TTN: variants seen among roughly 807,000 people sequenced by gnomAD.
The protein encoded by TTN is titin.
In TTN, 1,525 loss-of-function variants were observed where a neutral mutation model predicts 3,223.0. The ratio of observed to expected loss-of-function variants is 0.47; its 90% confidence interval spans 0.45 to 0.49. TTN has a LOEUF of 0.49. Ranked by LOEUF, TTN falls within the 20% of genes least tolerant of loss-of-function variation. The probability of loss-of-function intolerance (pLI) is 0.00; values close to 1 mark genes in which losing one functional copy is unlikely to be tolerated. For synonymous variants in TTN, 14,094 were observed against 15,161.0 expected (o/e 0.93, Z 5.17); for missense variants, 40,786 against 43,424.0 (o/e 0.94, Z 5.40).
At chr2:178,610,762 G>C (rs998607620) in intron 270 of TTN, among the ~76,000 whole-genome samples, 3 of 151,946 alleles carry the variant, frequency 2.0e-5, no homozygotes, top group Admixed American at 1.3e-4. Context: ...ATTTAAATTA[G>C]TATTTCACAT....
rs774217877 is a variant in TTN at position 178,714,299 on chromosome 2, G to C, written c.26475C>G (p.Ser8825=). 37 of 1,611,912 alleles carry C rather than the reference G, an allele frequency of 2.3e-5. 1 individual carries two copies. In the South Asian group the frequency reaches 4.1e-4, roughly 18 times the overall value. Residue 8825 remains serine, a synonymous_variant, in exon 91 of 363, where the codon TCC becomes TCG. Transcript: ENST00000589042. Reference sequence around the variant, plus strand: ...CATCATCTTTTTACTAACCGAGAACGGATAGCGTGGCGAAGCACTCTTGCA... The same window carrying C: ...CATCATCTTTTTACTAACCGAGAACCGATAGCGTGGCGAAGCACTCTTGCA... ...AGMQECFATL[S]VLEPATIVEK... is the part of the protein sequence containing the mutation.
At position 178,723,594 on chromosome 2, in the gene TTN, T is replaced by G. The variant is rs786205314; in HGVS notation, c.21506A>C (p.Asn7169Thr). 8.1e-6 allele frequency: 13 copies of G among 1,613,162 alleles called. No individual in the cohort carries two copies. In the East Asian group the frequency reaches 1.8e-4, roughly 22 times the overall value. The stretch of plus-strand genomic sequence containing the variant: ...TAGTTCTCTGGCACCTCTGAACCAG[T>G]TGACTTTGAATGGAGGGGTTCCTCT... ...VIRGTPPFKV[N>T]WFRGARELVK... is the part of the protein sequence containing the mutation. Residue 7169 changes from asparagine to threonine, a missense_variant, in exon 74 of 363, where the codon AAC becomes ACC. Physicochemically the swap from Asn to Thr is moderately conservative, Grantham distance 65. Transcript: ENST00000589042.
Position 178,702,631 on chromosome 2 carries a change from T to C in TTN, c.30256A>G (p.Asn10086Asp), listed in dbSNP as rs1188623443. 1 of 1,614,022 alleles carries C rather than the reference T, an allele frequency of 6.2e-7. No individual in the cohort carries two copies. The change falls in exon 107 of 363, where the codon AAC becomes GAC. Residue 10086 changes from asparagine (N) to aspartate (D), a missense_variant. Physicochemically the swap from Asn to Asp is conservative, Grantham distance 23. Transcript: ENST00000589042. ...GACTGATGCTCACTCACCACGATGT[T>C]CTGTATGCGCTTTGTAAACTGAATT... ...EPIQFTKRIQ[N>D]IVVSEHQSAT...
chr2:178,715,871 T>C lies in TTN; in HGVS notation c.25640-97A>G, dbSNP rs368383659. ...AAATAATCTTTGCTAGAGAGGTCTT[T>C]AGCTCTGGAAAACAAATTTATGCAG... On this transcript the variant is annotated intron_variant, in intron 88 of 362. Coordinates refer to ENST00000589042, the MANE Select transcript of TTN (RefSeq NM_001267550.2). 1.2e-4 allele frequency: 155 copies of C among 1,282,072 alleles called. No homozygotes were observed. In the East Asian group the frequency reaches 2.9e-3, roughly 24 times the overall value. 79.4% of individuals were successfully genotyped at this position (1,282,072 alleles called of 1,614,324 possible).
chr2:178,529,099 T>A lies in TTN; in HGVS notation c.106652A>T (p.Lys35551Met). 1 of 1,612,294 alleles carries A rather than the reference T, an allele frequency of 6.2e-7. No homozygotes were observed. Among genetic ancestry groups the A allele is most frequent in the Non-Finnish European group, 8.5e-7 (1 of 1,179,184 alleles). ...TTCTTGAGATTTTGCCTCTGACATC[T>A]TAATTTCTTCAGACCTTAGGGCTTT... ...SQKALRSEEIKMSEAKSQEKL... is the reference protein window; with the variant it reads ...SQKALRSEEIMMSEAKSQEKL... The change falls in exon 360 of 363, where the codon AAG (lysine) becomes ATG (methionine). Residue 35551 changes from lysine to methionine, a missense_variant. Lys to Met is a moderately conservative substitution (Grantham distance 95). Coordinates refer to ENST00000589042, the MANE Select transcript of TTN (RefSeq NM_001267550.2).
chr2:178,546,070 C>T lies in TTN; in HGVS notation c.95166G>A (p.Gln31722=). The T allele has an allele frequency of 6.2e-7, 1 of 1,613,060 alleles. No individual in the cohort carries two copies. The highest frequency in any genetic ancestry group is 8.5e-7 in the Non-Finnish European group (1 of 1,179,212). The part of the protein sequence containing the change: ...CGKLTVSRVT[Q]EKCTLAWSLP... ...GGCTCCAGGCTAAAGTGCACTTCTC[C>T]TGTGTTACTCTGCTGACGGTGAGCT... Residue 31722 remains glutamine (Q), a synonymous_variant, in exon 343 of 363, where the codon CAG becomes CAA. Coordinates refer to ENST00000589042, the MANE Select transcript of TTN (RefSeq NM_001267550.2).
In TTN at chr2:178,537,380, A is replaced by T. The variant is rs1159073081; in HGVS notation, c.99827T>A (p.Phe33276Tyr). 5.0e-6 allele frequency: 8 copies of T among 1,596,022 alleles called. No individual in the cohort carries two copies. Among genetic ancestry groups the T allele is most frequent in the Non-Finnish European group, 6.8e-6 (8 of 1,169,096 alleles). The stretch of plus-strand genomic sequence containing the variant: ...ATCAAGGATGGCATCAACTGTTCCA[A>T]AAACATTGCTGAGCTGGACTTTGTA... Reference protein sequence around the residue: ...GKYKVQLSNVFGTVDAILDVE... With the variant: ...GKYKVQLSNVYGTVDAILDVE... Residue 33276 changes from phenylalanine to tyrosine, a missense_variant, in exon 355 of 363, where the codon TTT becomes TAT. Coordinates refer to ENST00000589042, the MANE Select transcript of TTN (RefSeq NM_001267550.2).
In TTN at chr2:178,570,228, A is replaced by G. The variant is rs764510305; in HGVS notation, c.75904T>C (p.Phe25302Leu). 1.2e-6 allele frequency: 2 copies of G among 1,613,202 alleles called. No homozygotes were observed. The highest frequency in any genetic ancestry group is 2.7e-5 in the African/African-American group (2 of 74,840). The change falls in exon 326 of 363, where the codon TTT becomes CTT. Residue 25302 changes from phenylalanine to leucine, a missense_variant. Phe to Leu is a conservative substitution (Grantham distance 22, BLOSUM62 0). Coordinates refer to ENST00000589042, the MANE Select transcript of TTN (RefSeq NM_001267550.2). ...GCTTTTGGTGCATCTGGTACTACAA[A>G]TGGATTCTTGGCAACTACTGGCTCA... is the stretch of plus-strand genomic sequence containing the variant. ...ESEPVVAKNP[F>L]VVPDAPKAPE...
In TTN at chr2:178,709,681, G is replaced by C; in HGVS notation, c.28638C>G (p.Asn9546Lys). The change falls in exon 99 of 363, where the codon AAC becomes AAG. Residue 9546 changes from asparagine (N) to lysine (K), a missense_variant. By Grantham distance (94) the Asn-to-Lys change is moderately conservative. Coordinates refer to ENST00000589042, the MANE Select transcript of TTN (RefSeq NM_001267550.2). ...PTSNCEITFK[N>K]NTLVLQVRKA... is the part of the protein sequence containing the mutation. ...TCCTGACTTGCAGCACTAACGTGTT[G>C]TTCTTGAATGTTATTTCACAGTTAG... 1.2e-6 allele frequency: 2 copies of C among 1,613,882 alleles called. No individual in the cohort carries two copies. The highest frequency in any genetic ancestry group is 1.7e-6 in the Non-Finnish European group (2 of 1,179,816).
chr2:178,790,345 A>G (rs2093420744), intron 11 of TTN, among the ~76,000 whole-genome samples: 1 of 152,218 alleles, frequency 6.6e-6, no homozygotes, highest in South Asian at 2.1e-4. Context: ...GCAATAAAAG[A>G]CTAATGAGTG....
Position 178,672,474 on chromosome 2 carries a change from T to C in TTN, c.34863A>G (p.Glu11621=), listed in dbSNP as rs2067179453. 3 of 1,599,662 alleles carry C rather than the reference T, an allele frequency of 1.9e-6. No individual in the cohort carries two copies. ...TCTTTTCTGGGACTTTCTTTGGTAC[T>C]TCAGGCACTTTAAAGATACAGTTTT... ...KKEAPPAKVP[E]VPKKVPEKKV... is the part of the protein sequence containing the mutation. The change falls in exon 154 of 363, where the codon GAA becomes GAG. Residue 11621 remains glutamate (E), a synonymous_variant. Transcript: ENST00000589042.
chr2:178,547,851 T>C lies in TTN; in HGVS notation c.93775A>G (p.Thr31259Ala). ...GTTGTTGTAATGCTCACTCGATCTG[T>C]CTCTTTAAGTCTCATTTCTTCCAGT... Reference protein sequence around the residue: ...WKLEEMRLKETDRVSITTTKD... With the variant: ...WKLEEMRLKEADRVSITTTKD... Residue 31259 changes from threonine (T) to alanine (A), a missense_variant, in exon 339 of 363, where the codon ACA (threonine) becomes GCA (alanine). By Grantham distance (58) the Thr-to-Ala change is moderately conservative. Coordinates refer to ENST00000589042, the MANE Select transcript of TTN (RefSeq NM_001267550.2). 6.2e-7 allele frequency: 1 copy of C among 1,613,874 alleles called. No homozygotes were observed. Among genetic ancestry groups the C allele is most frequent in the Non-Finnish European group, 8.5e-7 (1 of 1,179,826 alleles).
chr2:178,619,984 G>A lies in TTN; in HGVS notation c.46429+4C>T, dbSNP rs2058025850. On this transcript the variant is annotated splice_donor_region_variant and intron_variant, in intron 249 of 362. Coordinates refer to ENST00000589042, the MANE Select transcript of TTN (RefSeq NM_001267550.2). ...TTAGAATTGTTTTTTCACTTAATAT[G>A]TACCTTCCACAAAAAGTCTAGCACG... 2 of 1,607,868 alleles carry A rather than the reference G, an allele frequency of 1.2e-6. No homozygotes were observed. Among genetic ancestry groups the A allele is most frequent in the East Asian group, 2.2e-5 (1 of 44,550 alleles).
rs776802552 is a variant in TTN at position 178,717,425 on chromosome 2, C to A, written c.25352-43G>T. On this transcript the variant is annotated intron_variant, in intron 87 of 362. Coordinates refer to ENST00000589042, the MANE Select transcript of TTN (RefSeq NM_001267550.2). ...CAACATGGTGATTTTTATTTCCATGCTCTCACATACAGAGCAGAAACTAAA... is the reference window on the plus strand; with the variant it reads ...CAACATGGTGATTTTTATTTCCATGATCTCACATACAGAGCAGAAACTAAA... 3 of 1,576,846 alleles carry A rather than the reference C, an allele frequency of 1.9e-6. No individual in the cohort carries two copies. In the South Asian group the frequency reaches 3.6e-5, roughly 19 times the overall value.
rs967863425 is a variant in TTN, at chr2:178,733,233, A to G, written c.16054+6T>C. The G allele has an allele frequency of 1.3e-6, 2 of 1,573,482 alleles. No homozygotes were observed. The highest frequency in any genetic ancestry group is 2.4e-5 in the South Asian group (2 of 83,000). On this transcript the variant is annotated splice_donor_region_variant and intron_variant, in intron 54 of 362. Transcript: ENST00000589042. The stretch of plus-strand genomic sequence containing the variant: ...ATATGTAGCATCATTTTCTAAAAAT[A>G]CTAACCTAATACAGTGAATGTAGTC...
In TTN at chr2:178,622,028, A is replaced by G. The variant is rs1305183946; in HGVS notation, c.44914-20T>C. 2.5e-6 allele frequency: 4 copies of G among 1,579,292 alleles called. No individual in the cohort carries two copies. The highest frequency in any genetic ancestry group is 3.4e-6 in the Non-Finnish European group (4 of 1,161,580). ...CTTAACCTATATTTAAGATAAATAG[A>G]TTATCAGTTTTCTTGTTGTTCCTTC... On this transcript the variant is annotated intron_variant, in intron 243 of 362. Coordinates refer to ENST00000589042, the MANE Select transcript of TTN (RefSeq NM_001267550.2).
intron 219 of TTN, among the ~76,000 whole-genome samples, chr2:178,641,619 TATA>T (rs573928202): frequency 2.3e-4 from 35 of 151,974 alleles, no homozygotes; most frequent in Non-Finnish European, 4.1e-4. Flanking sequence ...AGCAACGAAT[TATA>T]ATAATAATTA....
At chr2:178,619,579 C>A in intron 250 of TTN, 42 bp downstream of exon 250, 3 of 1,594,906 alleles carry the variant, frequency 1.9e-6, no homozygotes, top group Non-Finnish European at 2.6e-6. Flanking sequence ...GAAATCTAAA[C>A]TCTGTGATAT....
chr2:178,748,430 G>A (rs768169586), intron 47 of TTN: 34 of 1,612,996 alleles, frequency 2.1e-5, no homozygotes, highest in Non-Finnish European at 2.8e-5. Flanking sequence ...GTGTGTGTCA[G>A]GTTGTAACGT....
Sources: gnomAD v4.1 joint callset for allele counts (sites outside exome capture counted in the v4.1 genomes callset) on GRCh38, gnomAD v4.1.1 for gene constraint, MANE v1.5 for transcripts, NCBI Gene and HGNC (gene_info 2026-07-23, HGNC 2026-07-21) for gene names.